PEAK1: variants seen among roughly 807,000 people sequenced by gnomAD.
PEAK1 encodes the protein pseudopodium enriched atypical kinase 1.
PEAK1 carries 54 observed loss-of-function variants against 124.7 expected under a neutral mutation model. The ratio of observed to expected loss-of-function variants is 0.43; its 90% confidence interval spans 0.35 to 0.54. The LOEUF is 0.54. PEAK1 is among the 20% of genes least tolerant of loss of function. PEAK1 has a pLI of 0.01. For missense variants in PEAK1, 2,046 were observed against 2,134.5 expected, an observed-to-expected ratio of 0.96 and a Z score of 0.82; for synonymous variants, 719 against 760.0, an observed-to-expected ratio of 0.95 and a Z score of 0.89.
In PEAK1 at chr15:77,264,155, A is replaced by C. The variant is rs1379562002; in HGVS notation, c.-274-11629T>G. ...AAACCCACAGCCAACATCATACTGA[A>C]TGGGCAAAAACTGGAAGCATTCCCT... On this transcript the variant is annotated intron_variant, in intron 5 of 9. Transcript: ENST00000682557. 3.9e-5 allele frequency among the ~76,000 whole-genome samples: 6 copies of C among 152,304 alleles called. No individual in the cohort carries two copies. In the East Asian group the frequency reaches 1.2e-3, roughly 29 times the overall value.
chr15:77,345,666 T>C (rs555200685), intron 2 of PEAK1: 1 of 154,470 alleles, frequency 6.5e-6, no homozygotes, highest in Non-Finnish European at 1.4e-5. Flanking sequence ...TAACACCCAT[T>C]GATTAATAGC....
chr15:77,117,354 G>A (rs999738783), intron 9 of PEAK1, among the ~76,000 whole-genome samples: 1 of 152,176 alleles, frequency 6.6e-6, no homozygotes, highest in African/African-American at 2.4e-5. Context: ...GAGACAATAT[G>A]AAGAACACTG....
chr15:77,330,578 C>A lies in PEAK1; in HGVS notation c.-603+34585G>T, dbSNP rs771528478. Among the ~76,000 whole-genome samples, 4 of 152,148 alleles carry A rather than the reference C, an allele frequency of 2.6e-5. No individual in the cohort carries two copies. The East Asian group carries it at 7.7e-4, about 29-fold the overall frequency. ...CATTCTCCTCCCTGGTTTAACTGTG[C>A]TGGTTAAGCTGACCTCCTTACTCTT... On this transcript the variant is annotated intron_variant, in intron 2 of 9. Coordinates refer to ENST00000682557, the MANE Select transcript of PEAK1 (RefSeq NM_001385026.1).
At chr15:77,300,026 T>C (rs1359388655) in intron 2 of PEAK1, among the ~76,000 whole-genome samples, 1 of 152,238 alleles carries the variant, frequency 6.6e-6, no homozygotes, top group Non-Finnish European at 1.5e-5. Context: ...CTTCGAGCTC[T>C]ACTTTACTTT....
At chr15:77,367,408 G>C (rs760696093) in intron 1 of PEAK1, among the ~76,000 whole-genome samples, 17 of 152,310 alleles carry the variant, frequency 1.1e-4, no homozygotes, top group Admixed American at 6.5e-4. Context: ...AGGGGCTTAA[G>C]AGAAGCTTTT....
intron 9 of PEAK1, among the ~76,000 whole-genome samples, chr15:77,117,652 T>C (rs1334929310): frequency 2.0e-5 from 3 of 152,156 alleles, no homozygotes; most frequent in Non-Finnish European, 4.4e-5. Flanking sequence ...TAACATTCAA[T>C]ACCTCCAAGC....
chr15:77,278,211 G>A (rs1241042417), intron 5 of PEAK1, among the ~76,000 whole-genome samples: 1 of 152,046 alleles, frequency 6.6e-6, no homozygotes, highest in African/African-American at 2.4e-5. Context: ...GAAACGAAAT[G>A]TTCATGAACA....
intron 6 of PEAK1, among the ~76,000 whole-genome samples, chr15:77,193,129 A>T (rs1385699585): frequency 6.6e-6 from 1 of 152,220 alleles, no homozygotes; most frequent in Non-Finnish European, 1.5e-5. Flanking sequence ...ATTTAACAAG[A>T]GACAAATGAA....
At chr15:77,334,933 A>C (rs1457459635) in intron 2 of PEAK1, 1 of 985,392 alleles carries the variant, frequency 1.0e-6, no homozygotes, top group African/African-American at 1.7e-5. Flanking sequence ...TTAATGACTA[A>C]ACCTTTTTGA....
At chr15:77,384,611 C>T (rs545222234) in intron 1 of PEAK1, among the ~76,000 whole-genome samples, 3 of 152,314 alleles carry the variant, frequency 2.0e-5, no homozygotes, top group South Asian at 4.1e-4. Flanking sequence ...GTGGTCCTTA[C>T]TGTTGTGGTA....
chr15:77,335,030 G>T, intron 2 of PEAK1: 2 of 985,428 alleles, frequency 2.0e-6, no homozygotes, highest in Non-Finnish European at 2.4e-6. Context: ...TGGGAACTTA[G>T]TGACTAGGCC....
intron 2 of PEAK1, chr15:77,338,079 A>G: frequency 2.4e-5 from 24 of 983,502 alleles, no homozygotes; most frequent in Non-Finnish European, 2.9e-5. Context: ...TTGGACTCAA[A>G]CTGTATACCA....
intron 6 of PEAK1, among the ~76,000 whole-genome samples, chr15:77,199,792 G>A (rs778374025): frequency 3.1e-4 from 47 of 152,070 alleles, no homozygotes; most frequent in African/African-American, 9.7e-4. Context: ...CCAAACCAGC[G>A]CCAGACAATG....
chr15:77,368,817 A>G (rs1394320857), intron 1 of PEAK1, among the ~76,000 whole-genome samples: 1 of 152,164 alleles, frequency 6.6e-6, no homozygotes, highest in Non-Finnish European at 1.5e-5. Context: ...TATGCAGGGG[A>G]CTATATGCAC....
intron 1 of PEAK1, chr15:77,403,558 C>A (rs764013750): frequency 8.1e-5 from 79 of 971,836 alleles, no homozygotes; most frequent in Non-Finnish European, 9.4e-5. Context: ...TTAGAAAGTT[C>A]TTTCACATAT....
chr15:77,253,330 G>C (rs1446081467), intron 5 of PEAK1, among the ~76,000 whole-genome samples: 2 of 151,236 alleles, frequency 1.3e-5, no homozygotes, highest in African/African-American at 2.4e-5. Flanking sequence ...TCTTTTGCTA[G>C]TGTGATCATA....
chr15:77,141,578 G>A (rs2053789544), intron 8 of PEAK1, among the ~76,000 whole-genome samples: 1 of 152,120 alleles, frequency 6.6e-6, no homozygotes, highest in South Asian at 2.1e-4. Flanking sequence ...AGTGGTCAAA[G>A]TCTTTAAAAA....
intron 1 of PEAK1, among the ~76,000 whole-genome samples, chr15:77,405,583 T>C (rs1324251194): frequency 1.3e-5 from 2 of 152,170 alleles, no homozygotes; most frequent in Non-Finnish European, 2.9e-5. Flanking sequence ...TCGTTGCATA[T>C]AGCAGGAGTC....
intron 5 of PEAK1, among the ~76,000 whole-genome samples, chr15:77,281,868 T>C (rs1286263321): frequency 1.3e-5 from 2 of 152,182 alleles, no homozygotes; most frequent in Non-Finnish European, 2.9e-5. Flanking sequence ...ATCTTACAAA[T>C]GCAGGCCAAC....
Sources: gnomAD v4.1 joint callset for allele counts (sites outside exome capture counted in the v4.1 genomes callset) on GRCh38, gnomAD v4.1.1 for gene constraint, MANE v1.5 for transcripts, NCBI Gene and HGNC (gene_info 2026-07-23, HGNC 2026-07-21) for gene names.